SGTB: variants seen among roughly 807,000 people sequenced by gnomAD.
The protein encoded by SGTB is small glutamine-rich tetratricopeptide repeat-containing protein beta.
A neutral mutation model predicts 43.9 loss-of-function variants in SGTB; 19 were observed. That is an observed-to-expected ratio of 0.43 (90% CI 0.30 to 0.63). The LOEUF is 0.63. Ranked by LOEUF, SGTB falls within the 30% of genes least tolerant of loss-of-function variation. The pLI is 0.12. For synonymous variants in SGTB, 116 were observed against 117.3 expected, an observed-to-expected ratio of 0.99 and a Z score of 0.07; for missense variants, 304 against 358.9, an observed-to-expected ratio of 0.85 and a Z score of 1.24.
At chr5:65,678,731 A>G (rs1275571869) in intron 8 of SGTB, among the ~76,000 whole-genome samples, 2 of 152,214 alleles carry the variant, frequency 1.3e-5, no homozygotes, top group East Asian at 1.9e-4. Flanking sequence ...ACCTGGCAAA[A>G]GCAATGGGGA....
intron 10 of SGTB, among the ~76,000 whole-genome samples, chr5:65,671,650 TGGGGGTG>T (rs1042475886): frequency 7.8e-4 from 2 of 2,552 alleles, no homozygotes; most frequent in African/African-American, 1.6e-3. Context: ...GGGGCGGGGG[TGGGGGTG>T]GGGGGAAGCA....
intron 2 of SGTB, among the ~76,000 whole-genome samples, chr5:65,718,415 A>G (rs1389304531): frequency 1.3e-5 from 2 of 152,238 alleles, no homozygotes; most frequent in Admixed American, 1.3e-4. Flanking sequence ...AATAACTGAG[A>G]GCCAGGGAAC....
At chr5:65,694,506 G>A (rs1229404718) in intron 5 of SGTB, among the ~76,000 whole-genome samples, 2 of 152,088 alleles carry the variant, frequency 1.3e-5, no homozygotes, top group African/African-American at 4.8e-5. Flanking sequence ...ACAGAGTTTC[G>A]CTCTTGTAGC....
In SGTB at chr5:65,666,016, T is replaced by C. The variant is rs530626659; in HGVS notation, c.*4230A>G. Reference sequence around the variant, plus strand: ...TATTCAGAAGGTTTGCACCTCAAAATTGAGTAATAATTAATGAAATGTCTG... The same window carrying C: ...TATTCAGAAGGTTTGCACCTCAAAACTGAGTAATAATTAATGAAATGTCTG... On this transcript the variant is annotated 3_prime_UTR_variant, in exon 11 of 11. Transcript: ENST00000381007. 5.9e-5 allele frequency: 9 copies of C among 152,678 alleles called. No homozygotes were observed. The highest frequency in any genetic ancestry group is 2.2e-4 in the African/African-American group (9 of 41,574). The allele number at this position is 152,678 out of a possible 1,614,324, so 9.5% of individuals were successfully genotyped here.
chr5:65,669,987 C>CCATGTCCATGTTACGTG lies in SGTB; in HGVS notation c.*258_*259insCACGTAACATGGACATG. On this transcript the variant is annotated 3_prime_UTR_variant, in exon 11 of 11. Coordinates refer to ENST00000381007, the MANE Select transcript of SGTB (RefSeq NM_019072.3). ...TAGAAGTTTGAAAATGGAACCTTAT[C>CCATGTCCATGTTACGTG]CCAGTGCTATATTGGCACGTAACAT... 1 of 355,928 alleles carries CCATGTCCATGTTACGTG rather than the reference C, an allele frequency of 2.8e-6. No individual in the cohort carries two copies. 22.0% of individuals were successfully genotyped at this position (355,928 alleles called of 1,614,324 possible). A position where few individuals can be genotyped will look rare whatever the true frequency, so the allele number is the denominator to read the frequency against.
intron 3 of SGTB, among the ~76,000 whole-genome samples, chr5:65,710,995 CAAAAAA>C (rs982877268): frequency 1.1e-5 from 1 of 93,184 alleles, no homozygotes; most frequent in Non-Finnish European, 2.1e-5. Context: ...GACTCTGTCT[CAAAAAA>C]AAAAAAAAAA....
chr5:65,680,706 T>G lies in SGTB; in HGVS notation c.568A>C (p.Lys190Gln). Residue 190 changes from lysine to glutamine, a missense_variant, in exon 7 of 11, where the codon AAG becomes CAG. Transcript: ENST00000381007. The part of the protein sequence containing the change: ...LDLDPENDSY[K>Q]SNLKIAEQKL... ...TGTTCTGCTATTTTCAGATTTGACT[T>G]ATAGGAATCATTTTCAGGGTCAAGA... is the stretch of plus-strand genomic sequence containing the variant. 1 of 1,614,116 alleles carries G rather than the reference T, an allele frequency of 6.2e-7. No homozygotes were observed. Among genetic ancestry groups the G allele is most frequent in the Non-Finnish European group, 8.5e-7 (1 of 1,180,006 alleles).
chr5:65,721,298 G>A (rs1365519132), intron 1 of SGTB, among the ~76,000 whole-genome samples: 1 of 152,208 alleles, frequency 6.6e-6, no homozygotes, highest in African/African-American at 2.4e-5. Flanking sequence ...ATTTGATGAG[G>A]AAACACATTC....
chr5:65,684,985 G>A (rs983158082), intron 6 of SGTB, among the ~76,000 whole-genome samples: 3 of 152,192 alleles, frequency 2.0e-5, no homozygotes, highest in Non-Finnish European at 2.9e-5. Context: ...TAAGTGTAAG[G>A]CAATAGCATC....
chr5:65,707,742 A>AT (rs750278514), intron 4 of SGTB, among the ~76,000 whole-genome samples: 1 of 151,976 alleles, frequency 6.6e-6, no homozygotes, highest in East Asian at 1.9e-4. Context: ...CATGATATAT[A>AT]TTTTTTTAAC....
intron 5 of SGTB, among the ~76,000 whole-genome samples, chr5:65,689,888 A>T (rs1299129814): frequency 2.1e-5 from 3 of 145,718 alleles, no homozygotes; most frequent in Admixed American, 2.1e-4. Context: ...AAATAAACAT[A>T]GTCCTTTGCT....
intron 5 of SGTB, among the ~76,000 whole-genome samples, chr5:65,687,362 G>A (rs1757518657): frequency 6.6e-6 from 1 of 152,144 alleles, no homozygotes; most frequent in African/African-American, 2.4e-5. Flanking sequence ...TTTTAGAGTA[G>A]CTTAACTCAG....
At chr5:65,705,125 T>C (rs1365454675) in intron 4 of SGTB, among the ~76,000 whole-genome samples, 7 of 152,138 alleles carry the variant, frequency 4.6e-5, no homozygotes, top group Admixed American at 3.9e-4. Context: ...AAAAGTAGTG[T>C]CCTCTGCACT....
At chr5:65,682,854 T>C (rs909699249) in intron 6 of SGTB, among the ~76,000 whole-genome samples, 2 of 152,182 alleles carry the variant, frequency 1.3e-5, no homozygotes, top group Non-Finnish European at 2.9e-5. Flanking sequence ...AGTCCTGTTC[T>C]ATAAAGTCAC....
Position 65,672,233 on chromosome 5 carries a change from T to C in SGTB, c.719+11A>G, listed in dbSNP as rs747281108. On this transcript the variant is annotated intron_variant, in intron 9 of 10. Coordinates refer to ENST00000381007, the MANE Select transcript of SGTB (RefSeq NM_019072.3). ...TTGGGGAAGTGTAATAAGCTCTTTC[T>C]ATATACTTACAGCTGTTGAACTTGA... The C allele has an allele frequency of 9.9e-6, 16 of 1,613,926 alleles. No individual in the cohort carries two copies. In the South Asian group the frequency reaches 1.8e-4, roughly 18 times the overall value.
intron 9 of SGTB, 103 bp downstream of exon 9, chr5:65,672,141 T>A: frequency 6.3e-7 from 1 of 1,582,436 alleles, no homozygotes; most frequent in Non-Finnish European, 8.7e-7. Context: ...CAACTGACTG[T>A]CATTCAGAAC....
At chr5:65,708,358 T>C in intron 4 of SGTB, 131 bp downstream of exon 4, 2 of 686,608 alleles carry the variant, frequency 2.9e-6, no homozygotes, top group Non-Finnish European at 4.7e-6. Context: ...TTCATTTCTG[T>C]TTCGTAATTG....
At chr5:65,719,599 A>AAAAT (rs1429991412) in intron 2 of SGTB, among the ~76,000 whole-genome samples, 4 of 152,154 alleles carry the variant, frequency 2.6e-5, no homozygotes, top group South Asian at 2.1e-4. Flanking sequence ...CCTGTCTCAA[A>AAAAT]AAATAAATAA....
chr5:65,685,519 CT>C, intron 5 of SGTB, 47 bp from the exon 6 acceptor site: 1 of 1,549,060 alleles, frequency 6.5e-7, no homozygotes, highest in South Asian at 1.1e-5. Flanking sequence ...TTTCAAGGCA[CT>C]AATTTAGATT....
Sources: gnomAD v4.1 joint callset for allele counts (sites outside exome capture counted in the v4.1 genomes callset) on GRCh38, gnomAD v4.1.1 for gene constraint, MANE v1.5 for transcripts, NCBI Gene and HGNC (gene_info 2026-07-23, HGNC 2026-07-21) for gene names.